OR1F1: variants seen among roughly 807,000 people sequenced by gnomAD.
The protein encoded by OR1F1 is olfactory receptor family 1 subfamily F member 1.
For synonymous variants in OR1F1, 184 were observed against 156.7 expected, an observed-to-expected ratio of 1.17 and a Z score of -1.30; for missense variants, 493 against 376.3, an observed-to-expected ratio of 1.31 and a Z score of -2.57.
At chr16:3,203,647 C>A (rs1238680047), upstream of OR1F1, among the ~76,000 whole-genome samples, 1 of 152,172 alleles carries the variant, frequency 6.6e-6, no homozygotes, top group African/African-American at 2.4e-5. Context: ...GCCTATAATC[C>A]CAGCTACTTG....
the OR1F1 span, among the ~76,000 whole-genome samples, chr16:3,197,805 G>A: frequency 2.4e-4 from 1 of 4,160 alleles, no homozygotes; most frequent in South Asian, 0.016. Context: ...GAGAGGGAGA[G>A]GGAGAAGGAG....
chr16:3,194,913 G>A, the OR1F1 span, among the ~76,000 whole-genome samples: 1 of 152,180 alleles, frequency 6.6e-6, no homozygotes, highest in Non-Finnish European at 1.5e-5. Flanking sequence ...GTGAGCCACC[G>A]CCCTTCTTCT....
At chr16:3,206,463 C>G (rs1958211217), downstream of OR1F1, among the ~76,000 whole-genome samples, 1 of 152,114 alleles carries the variant, frequency 6.6e-6, no homozygotes, top group South Asian at 2.1e-4. Flanking sequence ...ACACCCCCAC[C>G]CCTTTTAAAG....
upstream of OR1F1, among the ~76,000 whole-genome samples, chr16:3,203,462 T>C (rs114613854): frequency 0.018 from 2,809 of 152,310 alleles, 88 homozygotes; most frequent in African/African-American, 0.064. Context: ...TGCTGCTCTT[T>C]CTGGGTAAGA....
At chr16:3,200,901 T>C (rs554069750), upstream of OR1F1, among the ~76,000 whole-genome samples, 4 of 152,344 alleles carry the variant, frequency 2.6e-5, no homozygotes, top group South Asian at 8.3e-4. Flanking sequence ...TGACAATGTA[T>C]GCAATAATCA....
rs374702673 is a variant in OR1F1, at chr16:3,204,892, G to T, written c.646G>T (p.Ala216Ser). 9.3e-6 allele frequency: 15 copies of T among 1,613,988 alleles called. No individual in the cohort carries two copies. Among genetic ancestry groups the T allele is most frequent in the African/African-American group, 1.3e-5 (1 of 74,892 alleles). The change falls in exon 1 of 1, where the codon GCT becomes TCT. Residue 216 changes from alanine to serine, a missense_variant. Transcript: ENST00000304646. The stretch of plus-strand genomic sequence containing the variant: ...GATCACCCCATTTCTTTGCATCCTG[G>T]CTTCTTATATGCACATCACCTGCAC...
At chr16:3,200,255 T>A (rs1030495823), upstream of OR1F1, among the ~76,000 whole-genome samples, 1 of 152,154 alleles carries the variant, frequency 6.6e-6, no homozygotes, top group South Asian at 2.1e-4. Context: ...TGCTTGTTCA[T>A]AGGTTGCACG....
chr16:3,201,070 C>T (rs1342049910), upstream of OR1F1, among the ~76,000 whole-genome samples: 4 of 152,152 alleles, frequency 2.6e-5, no homozygotes, highest in Admixed American at 6.5e-5. Flanking sequence ...TAGAATAATA[C>T]ATTATGTGTT....
the OR1F1 span, among the ~76,000 whole-genome samples, chr16:3,191,928 A>C: frequency 6.6e-6 from 1 of 151,994 alleles, no homozygotes; most frequent in Non-Finnish European, 1.5e-5. Flanking sequence ...CGCAGGCTTG[A>C]GCTTTATCGC....
At chr16:3,195,862 A>C in the OR1F1 span, among the ~76,000 whole-genome samples, 4 of 152,240 alleles carry the variant, frequency 2.6e-5, no homozygotes, top group East Asian at 7.7e-4. Flanking sequence ...CCCCCAGTAC[A>C]TCTGGGCACA....
At chr16:3,195,669 T>C in the OR1F1 span, among the ~76,000 whole-genome samples, 1 of 100,972 alleles carries the variant, frequency 9.9e-6, no homozygotes, top group African/African-American at 4.3e-5. Flanking sequence ...GGGGACAGAG[T>C]GGAACTCAAA....
At chr16:3,196,474 C>T in the OR1F1 span, among the ~76,000 whole-genome samples, 2 of 151,306 alleles carry the variant, frequency 1.3e-5, no homozygotes, top group African/African-American at 4.9e-5. Context: ...TCCTTGACCT[C>T]CCAGGCTGAG....
chr16:3,196,463 A>G, the OR1F1 span, among the ~76,000 whole-genome samples: 1 of 151,292 alleles, frequency 6.6e-6, no homozygotes, highest in African/African-American at 2.4e-5. Flanking sequence ...AGCTCACTGC[A>G]TCCTTGACCT....
chr16:3,197,392 A>G, the OR1F1 span, among the ~76,000 whole-genome samples: 2 of 152,168 alleles, frequency 1.3e-5, no homozygotes, highest in Non-Finnish European at 2.9e-5. Context: ...ATACATTATC[A>G]ATGAGATAGG....
At chr16:3,193,366 C>T in the OR1F1 span, among the ~76,000 whole-genome samples, 10,404 of 152,292 alleles carry the variant, frequency 0.068, 1,157 homozygotes, top group African/African-American at 0.23. Flanking sequence ...CTCTCTGACT[C>T]CGAAGGAAAA....
At chr16:3,198,751 G>C in the OR1F1 span, among the ~76,000 whole-genome samples, 1 of 152,134 alleles carries the variant, frequency 6.6e-6, no homozygotes, top group Non-Finnish European at 1.5e-5. Flanking sequence ...CATTTTGAGA[G>C]GCGAGGCAGG....
At chr16:3,197,151 C>G in the OR1F1 span, among the ~76,000 whole-genome samples, 1 of 151,754 alleles carries the variant, frequency 6.6e-6, no homozygotes, top group Non-Finnish European at 1.5e-5. Context: ...GCTGAGATTA[C>G]AGGCATGAGC....
chr16:3,192,906 C>A, the OR1F1 span, among the ~76,000 whole-genome samples: 4 of 152,092 alleles, frequency 2.6e-5, no homozygotes, highest in Admixed American at 6.6e-5. Context: ...GGGTACTGTG[C>A]CCCGCGGGAT....
the OR1F1 span, among the ~76,000 whole-genome samples, chr16:3,195,676 CAAA>C: frequency 5.0e-5 from 5 of 99,284 alleles, no homozygotes; most frequent in Admixed American, 1.1e-4. Context: ...GAGTGGAACT[CAAA>C]AAAAAAAAAA....
Sources: allele counts gnomAD v4.1 joint callset (sites outside exome capture counted in the v4.1 genomes callset), GRCh38; gene constraint gnomAD v4.1.1; transcripts MANE v1.5; gene names NCBI Gene and HGNC (gene_info 2026-07-23, HGNC 2026-07-21).